The following RGS5 variants were observed in gnomAD, a reference collection of about 807,000 sequenced individuals.
The protein encoded by RGS5 is regulator of G protein signaling 5.
Under a neutral mutation model 18.9 loss-of-function variants are expected in RGS5, and 20 were observed. The ratio of observed to expected loss-of-function variants is 1.06; its 90% CI spans 0.74 to 1.54. The LOEUF (loss-of-function observed/expected upper bound fraction) is 1.54. Ranked by LOEUF, RGS5 falls within the 40% of genes most tolerant of loss-of-function variation. The pLI is 0.00. For missense variants in RGS5, 201 were observed against 211.8 expected, an observed-to-expected ratio of 0.95 and a Z score of 0.32; for synonymous variants, 57 against 76.2, an observed-to-expected ratio of 0.75 and a Z score of 1.31.
At chr1:163,266,109 C>T (rs914703395) in intron 2 of RGS5, among the ~76,000 whole-genome samples, 1 of 150,748 alleles carries the variant, frequency 6.6e-6, no homozygotes, top group African/African-American at 2.4e-5. Context: ...ACAGCACTGC[C>T]ACCCCATCAA....
chr1:163,260,619 T>C (rs772284785), intron 2 of RGS5: 2 of 151,912 alleles, frequency 1.3e-5, no homozygotes, highest in Non-Finnish European at 1.5e-5. Context: ...ATATAATGTA[T>C]TCATGTAACA....
At position 163,188,095 on chromosome 1, in the gene RGS5, C is replaced by T. The variant is rs901707119; in HGVS notation, c.44+14697G>A. Among the ~76,000 whole-genome samples the T allele has an allele frequency of 2.3e-4, 35 of 151,826 alleles. 1 individual carries two copies. Among genetic ancestry groups the T allele is most frequent in the East Asian group, 1.9e-4 (1 of 5,158 alleles). ...AAATACGGCTTGAGGAGAGTTTTTC[C>T]GACATAGTATGAAACTGCAGCTGCA... On this transcript the variant is annotated intron_variant, in intron 1 of 4. Coordinates refer to ENST00000313961, the MANE Select transcript of RGS5 (RefSeq NM_003617.4).
At chr1:163,194,200 G>A (rs1279321140) in intron 1 of RGS5, among the ~76,000 whole-genome samples, 2 of 152,024 alleles carry the variant, frequency 1.3e-5, no homozygotes, top group African/African-American at 4.8e-5. Flanking sequence ...CACAAACTGG[G>A]AGTATATTCT....
intron 1 of RGS5, among the ~76,000 whole-genome samples, chr1:163,198,316 A>G (rs1401169872): frequency 3.3e-5 from 5 of 152,116 alleles, no homozygotes; most frequent in Non-Finnish European, 4.4e-5. Flanking sequence ...TAAACACATT[A>G]TACCCTTAGC....
chr1:163,173,948 G>A (rs753721173), intron 1 of RGS5, among the ~76,000 whole-genome samples: 1 of 152,056 alleles, frequency 6.6e-6, no homozygotes, highest in Admixed American at 6.6e-5. Context: ...GTGGTGGCAG[G>A]CACCTGTAAT....
intron 1 of RGS5, among the ~76,000 whole-genome samples, chr1:163,178,185 C>T (rs1658648616): frequency 6.6e-6 from 1 of 152,072 alleles, no homozygotes; most frequent in South Asian, 2.1e-4. Flanking sequence ...GTGGTACGTG[C>T]CTGTAGTCCC....
intron 1 of RGS5, among the ~76,000 whole-genome samples, chr1:163,190,321 G>A (rs1326858519): frequency 6.6e-6 from 1 of 152,116 alleles, no homozygotes; most frequent in Non-Finnish European, 1.5e-5. Context: ...TTATTAGCTT[G>A]CTATTGGACA....
At chr1:163,191,164 A>G (rs1214574244) in intron 1 of RGS5, among the ~76,000 whole-genome samples, 1 of 152,100 alleles carries the variant, frequency 6.6e-6, no homozygotes. Flanking sequence ...AGCAAAAGAG[A>G]CAGAGACTGC....
At chr1:163,168,234 G>C in intron 2 of RGS5, 24 bp downstream of exon 2, 1 of 1,542,676 alleles carries the variant, frequency 6.5e-7, no homozygotes, top group Non-Finnish European at 9.0e-7. Context: ...GAGGAAATGA[G>C]TGGAATCCAT....
At chr1:163,271,070 T>G (rs1283536104) in intron 2 of RGS5, among the ~76,000 whole-genome samples, 2 of 152,204 alleles carry the variant, frequency 1.3e-5, no homozygotes, top group African/African-American at 2.4e-5. Flanking sequence ...ACATTTGTTA[T>G]TGCCTCCAAA....
At chr1:163,184,240 T>G (rs1038784837) in intron 1 of RGS5, among the ~76,000 whole-genome samples, 1 of 152,000 alleles carries the variant, frequency 6.6e-6, no homozygotes, top group Non-Finnish European at 1.5e-5. Flanking sequence ...ATGAACCATT[T>G]TAAACAAATA....
At chr1:163,310,567 T>A (rs1295953176) in intron 1 of RGS5, among the ~76,000 whole-genome samples, 1 of 117,734 alleles carries the variant, frequency 8.5e-6, no homozygotes, top group Non-Finnish European at 1.7e-5. Flanking sequence ...AGAGCAAGAC[T>A]CCGTCTCAAA....
intron 1 of RGS5, among the ~76,000 whole-genome samples, chr1:163,195,599 A>AATAT (rs1029323325): frequency 6.6e-6 from 1 of 151,768 alleles, no homozygotes; most frequent in South Asian, 2.1e-4. Flanking sequence ...AATAATTTAA[A>AATAT]ATATATATAT....
chr1:163,164,577 C>T (rs1476297526), intron 2 of RGS5, among the ~76,000 whole-genome samples: 1 of 152,156 alleles, frequency 6.6e-6, no homozygotes, highest in Non-Finnish European at 1.5e-5. Context: ...GAACTTTTCC[C>T]ATTTCACCCT....
At position 163,311,345 on chromosome 1, in the gene RGS5, T is replaced by C. The variant is rs988095543; in HGVS notation, c.-377-5016A>G. The stretch of plus-strand genomic sequence containing the variant: ...GCAATATGGCTGTTCTGCTTTCTTA[T>C]CATTTGTGTGTTCACTGGACAAGCA... On this transcript the variant is annotated intron_variant, in intron 1 of 5. Transcript: ENST00000618415. Among the ~76,000 whole-genome samples the C allele has an allele frequency of 3.3e-5, 5 of 152,238 alleles. 1 individual carries two copies. Among genetic ancestry groups the C allele is most frequent in the Admixed American group, 2.0e-4 (3 of 15,288 alleles).
chr1:163,197,535 T>A (rs1279162537), intron 1 of RGS5, among the ~76,000 whole-genome samples: 1 of 152,098 alleles, frequency 6.6e-6, no homozygotes, highest in Non-Finnish European at 1.5e-5. Flanking sequence ...TAAATTTCCA[T>A]GGGAGCAGGG....
chr1:163,219,220 G>A (rs1421667256), upstream of RGS5, among the ~76,000 whole-genome samples: 1 of 152,106 alleles, frequency 6.6e-6, no homozygotes, highest in East Asian at 1.9e-4. Flanking sequence ...TTAAGAAACA[G>A]CACTAAGAGC....
chr1:163,174,614 G>T (rs1658461147), intron 1 of RGS5, among the ~76,000 whole-genome samples: 1 of 152,220 alleles, frequency 6.6e-6, no homozygotes, highest in African/African-American at 2.4e-5. Flanking sequence ...GAAAGAGATT[G>T]AGAATGGTCA....
intron 2 of RGS5, among the ~76,000 whole-genome samples, chr1:163,291,280 C>T (rs1399233603): frequency 6.6e-6 from 1 of 152,086 alleles, no homozygotes; most frequent in East Asian, 1.9e-4. Flanking sequence ...TGGCGGCGGG[C>T]AGGGGGGTAT....
Sources: gnomAD v4.1 joint callset for allele counts (sites outside exome capture counted in the v4.1 genomes callset) on GRCh38, gnomAD v4.1.1 for gene constraint, MANE v1.5 for transcripts, NCBI Gene and HGNC (gene_info 2026-07-23, HGNC 2026-07-21) for gene names.